The following PTPRJ variants were observed in gnomAD, a reference collection of about 807,000 sequenced individuals.
PTPRJ encodes the protein protein tyrosine phosphatase receptor type J.
PTPRJ carries 129 observed loss-of-function variants against 141.3 expected under a neutral mutation model. The observed-to-expected ratio is 0.91, with a 90% CI of 0.79 to 1.06. The LOEUF (loss-of-function observed/expected upper bound fraction) is 1.06, where lower values mean the gene tolerates loss of function less well. Among genes scored for constraint, PTPRJ ranks in the 50% least tolerant of loss-of-function variants. PTPRJ has a pLI of 0.00. For synonymous variants in PTPRJ, 610 were observed against 640.5 expected, an observed-to-expected ratio of 0.95 and a Z score of 0.72; for missense variants, 1,601 against 1,679.7, an observed-to-expected ratio of 0.95 and a Z score of 0.82.
At chr11:48,053,722 G>A (rs1269171331) in intron 1 of PTPRJ, among the ~76,000 whole-genome samples, 1 of 149,612 alleles carries the variant, frequency 6.7e-6, no homozygotes, top group Admixed American at 6.8e-5. Context: ...GATTACAGGT[G>A]TGTGCCACCA....
intron 1 of PTPRJ, among the ~76,000 whole-genome samples, chr11:48,053,322 T>G (rs1275958201): frequency 4.4e-5 from 4 of 91,318 alleles, no homozygotes; most frequent in African/African-American, 9.1e-5. Flanking sequence ...ATAATATATA[T>G]TATATATTAA....
intron 1 of PTPRJ, among the ~76,000 whole-genome samples, chr11:48,072,358 G>A (rs1158935838): frequency 6.6e-6 from 1 of 152,150 alleles, no homozygotes; most frequent in East Asian, 1.9e-4. Flanking sequence ...GGCTGAACTT[G>A]CCCTTTTATA....
chr11:48,076,498 C>G (rs1173196014), intron 1 of PTPRJ, among the ~76,000 whole-genome samples: 1 of 152,152 alleles, frequency 6.6e-6, no homozygotes, highest in Non-Finnish European at 1.5e-5. Flanking sequence ...AAGGGGCCTT[C>G]TTCCCTTTTT....
intron 5 of PTPRJ, 51 bp from the exon 6 acceptor site, chr11:48,124,917 G>C: frequency 6.4e-7 from 1 of 1,574,028 alleles, no homozygotes; most frequent in Non-Finnish European, 8.7e-7. Context: ...GAAAATGGGG[G>C]ATGTGTCCCT....
chr11:47,993,526 C>G (rs1289026782), intron 1 of PTPRJ, among the ~76,000 whole-genome samples: 1 of 152,044 alleles, frequency 6.6e-6, no homozygotes, highest in Non-Finnish European at 1.5e-5. Context: ...CTCCCGACCT[C>G]AAGTGATCCT....
chr11:48,097,444 GT>G (rs1856038692), intron 1 of PTPRJ, among the ~76,000 whole-genome samples: 1 of 152,160 alleles, frequency 6.6e-6, no homozygotes, highest in Admixed American at 6.5e-5. Flanking sequence ...AAGATAGTGT[GT>G]ATGTTGAAAA....
chr11:47,985,671 C>CATTTATTTATTT (rs139376265), intron 1 of PTPRJ, among the ~76,000 whole-genome samples: 12 of 136,056 alleles, frequency 8.8e-5, no homozygotes, highest in African/African-American at 3.0e-4. Flanking sequence ...AGGTGGCAGA[C>CATTTATTTATTT]ATTTATTTAT....
chr11:48,114,452 A>G (rs935559798), intron 3 of PTPRJ, among the ~76,000 whole-genome samples: 1 of 150,784 alleles, frequency 6.6e-6, no homozygotes, highest in African/African-American at 2.4e-5. Flanking sequence ...AAAAAAAAAA[A>G]AAAAAAGAAA....
At chr11:48,071,141 T>C (rs547223498) in intron 1 of PTPRJ, among the ~76,000 whole-genome samples, 56 of 152,330 alleles carry the variant, frequency 3.7e-4, no homozygotes, top group Non-Finnish European at 7.1e-4. Context: ...GGTTAGATAC[T>C]CTCTAGTTCA....
At chr11:48,072,610 A>G (rs1488769271) in intron 1 of PTPRJ, among the ~76,000 whole-genome samples, 1 of 152,196 alleles carries the variant, frequency 6.6e-6, no homozygotes, top group African/African-American at 2.4e-5. Context: ...ATAGCAATAT[A>G]TATCTTACCC....
intron 1 of PTPRJ, among the ~76,000 whole-genome samples, chr11:48,092,308 AAAAAAAAAAGAAAAAGAAAAAAAG>A (rs1477595658): frequency 6.6e-6 from 1 of 150,392 alleles, no homozygotes; most frequent in African/African-American, 2.5e-5. Flanking sequence ...AAAAAAAAAA[AAAAAAAAAAGAAAAAGAAAAAAAG>A]AAATGCAGGT....
intron 1 of PTPRJ, among the ~76,000 whole-genome samples, chr11:48,107,921 C>A (rs562797186): frequency 6.6e-6 from 1 of 151,874 alleles, no homozygotes; most frequent in African/African-American, 2.4e-5. Flanking sequence ...TGTCCCCATA[C>A]AGAAATAAAA....
intron 4 of PTPRJ, among the ~76,000 whole-genome samples, chr11:48,122,185 AG>A (rs1565313386): frequency 6.6e-6 from 1 of 152,186 alleles, no homozygotes; most frequent in Non-Finnish European, 1.5e-5. Context: ...GCACTATTTT[AG>A]GGGGGAAAAC....
At chr11:48,120,708 T>C (rs938354392) in intron 3 of PTPRJ, among the ~76,000 whole-genome samples, 1 of 152,100 alleles carries the variant, frequency 6.6e-6, no homozygotes, top group South Asian at 2.1e-4. Flanking sequence ...TAAAGTTTGG[T>C]CTCTTTTTGT....
chr11:48,024,551 C>G (rs902768697), intron 1 of PTPRJ, among the ~76,000 whole-genome samples: 1 of 152,176 alleles, frequency 6.6e-6, no homozygotes, highest in Admixed American at 6.6e-5. Context: ...TTCTATCTCT[C>G]TCACTGTTTC....
intron 1 of PTPRJ, among the ~76,000 whole-genome samples, chr11:48,068,014 A>C (rs1266719676): frequency 1.3e-5 from 2 of 152,222 alleles, no homozygotes; most frequent in Non-Finnish European, 2.9e-5. Context: ...TTAGGAGATC[A>C]GGGCAATATT....
At chr11:48,078,669 TC>T in intron 1 of PTPRJ, among the ~76,000 whole-genome samples, 1 of 152,138 alleles carries the variant, frequency 6.6e-6, no homozygotes, top group African/African-American at 2.4e-5. Flanking sequence ...TGGCTTGCCA[TC>T]TGCTTCTGTA....
chr11:48,073,729 T>A (rs1218193845), intron 1 of PTPRJ, among the ~76,000 whole-genome samples: 1 of 152,112 alleles, frequency 6.6e-6, no homozygotes, highest in Non-Finnish European at 1.5e-5. Flanking sequence ...TCTCTTCTCC[T>A]TTTTTTCTGG....
At chr11:48,124,022 A>G (rs879469926) in intron 5 of PTPRJ, 152 bp downstream of exon 5, 22 of 884,072 alleles carry the variant, frequency 2.5e-5, no homozygotes, top group Non-Finnish European at 3.7e-5. Flanking sequence ...CCCCACCTGC[A>G]TGAGGAAGGA....
Sources: allele counts gnomAD v4.1 joint callset (sites outside exome capture counted in the v4.1 genomes callset), GRCh38; gene constraint gnomAD v4.1.1; transcripts MANE v1.5; gene names NCBI Gene and HGNC (gene_info 2026-07-23, HGNC 2026-07-21).